The following CSMD3 variants were observed in gnomAD, a reference collection of about 807,000 sequenced individuals.
CSMD3 encodes the protein CUB and sushi domain-containing protein 3.
CSMD3 carries 177 observed loss-of-function variants against 435.2 expected under a neutral mutation model. That is an observed-to-expected ratio of 0.41 (90% CI 0.36 to 0.46). The LOEUF (loss-of-function observed/expected upper bound fraction) is 0.46. CSMD3 is among the 20% of genes least tolerant of loss of function. The pLI, the probability that CSMD3 is intolerant of heterozygous loss-of-function variation, is 0.34. For missense variants in CSMD3, 4,265 were observed against 4,504.6 expected, an observed-to-expected ratio of 0.95 and a Z score of 1.52; for synonymous variants, 1,656 against 1,520.5, an observed-to-expected ratio of 1.09 and a Z score of -2.07.
chr8:112,626,519 G>T (rs1834488001), intron 22 of CSMD3, among the ~76,000 whole-genome samples: 1 of 151,536 alleles, frequency 6.6e-6, no homozygotes, highest in Admixed American at 6.6e-5. Context: ...CACATATACA[G>T]AACAAAAAGA....
chr8:112,319,163 C>T (rs180893183), intron 46 of CSMD3, among the ~76,000 whole-genome samples: 150 of 152,126 alleles, frequency 9.9e-4, no homozygotes, highest in African/African-American at 3.5e-3. Flanking sequence ...AAGTGAACTG[C>T]CATTCCCTCT....
At chr8:112,654,628 T>C (rs1165051890) in intron 18 of CSMD3, among the ~76,000 whole-genome samples, 1 of 152,232 alleles carries the variant, frequency 6.6e-6, no homozygotes, top group Admixed American at 6.5e-5. Flanking sequence ...TTCTTATTTT[T>C]ATTCCTTATC....
intron 50 of CSMD3, among the ~76,000 whole-genome samples, chr8:112,309,573 C>T (rs914137555): frequency 6.6e-6 from 1 of 151,836 alleles, no homozygotes; most frequent in Non-Finnish European, 1.5e-5. Context: ...ATTCATTGGT[C>T]GAAGGAAAGC....
intron 4 of CSMD3, among the ~76,000 whole-genome samples, chr8:113,123,792 G>T (rs2131644822): frequency 6.6e-6 from 1 of 152,018 alleles, no homozygotes; most frequent in South Asian, 2.1e-4. Flanking sequence ...TATCTTAGTG[G>T]ATGTAGATCC....
chr8:113,194,448 T>A (rs1421311992), intron 3 of CSMD3, among the ~76,000 whole-genome samples: 1 of 151,312 alleles, frequency 6.6e-6, no homozygotes, highest in African/African-American at 2.4e-5. Flanking sequence ...CAGTAAAACC[T>A]ATTTTATAGG....
intron 22 of CSMD3, among the ~76,000 whole-genome samples, chr8:112,597,606 C>T (rs1831862164): frequency 1.7e-5 from 2 of 118,128 alleles, no homozygotes; most frequent in Admixed American, 8.5e-5. Flanking sequence ...AACATTGATG[C>T]AAAAATCCTC....
intron 53 of CSMD3, among the ~76,000 whole-genome samples, chr8:112,296,682 T>C (rs1002887642): frequency 1.3e-5 from 2 of 151,838 alleles, no homozygotes; most frequent in Non-Finnish European, 2.9e-5. Flanking sequence ...ATAAAAGCAA[T>C]GACCTAAAAC....
intron 9 of CSMD3, among the ~76,000 whole-genome samples, chr8:112,926,532 C>T (rs996560010): frequency 6.6e-6 from 1 of 152,014 alleles, no homozygotes; most frequent in African/African-American, 2.4e-5. Flanking sequence ...TAGAGTTGAC[C>T]TTCTCATGAT....
intron 10 of CSMD3, among the ~76,000 whole-genome samples, chr8:112,872,027 A>C (rs1564050058): frequency 6.6e-6 from 1 of 152,064 alleles, no homozygotes; most frequent in African/African-American, 2.4e-5. Flanking sequence ...TTGATCTATC[A>C]AAGACCTGTT....
At chr8:112,903,820 T>C (rs2082176542) in intron 10 of CSMD3, among the ~76,000 whole-genome samples, 2 of 151,370 alleles carry the variant, frequency 1.3e-5, no homozygotes, top group Non-Finnish European at 3.0e-5. Flanking sequence ...CTAGATATTT[T>C]TTCTACCTTT....
chr8:112,311,486 G>T (rs889458561), intron 49 of CSMD3, among the ~76,000 whole-genome samples: 1 of 152,108 alleles, frequency 6.6e-6, no homozygotes, highest in Admixed American at 6.6e-5. Flanking sequence ...TTTGGAAACC[G>T]CATTTCCTGT....
Position 112,287,077 on chromosome 8 carries a change from C to G in CSMD3, c.9318G>C (p.Gln3106His), listed in dbSNP as rs746527857. The stretch of plus-strand genomic sequence containing the variant: ...GCTTGAGATTACCTTTGCACTCTGG[C>G]TGCCTTCCGGTCCAACTGCCATTAG... The part of the protein sequence containing the change: ...CLANGSWTGR[Q>H]PECKAVQCGN... The change falls in exon 58 of 71, where the codon CAG becomes CAC. Residue 3106 changes from glutamine to histidine, a missense_variant. This residue lies in a region of CSMD3 where 3,255 missense variants were observed against 3,380.2 expected (regional missense o/e 0.96). Transcript: ENST00000297405. 1.2e-6 allele frequency: 2 copies of G among 1,613,558 alleles called. No homozygotes were observed. Among genetic ancestry groups the G allele is most frequent in the Admixed American group, 3.3e-5 (2 of 59,908 alleles).
intron 1 of CSMD3, among the ~76,000 whole-genome samples, chr8:113,392,530 G>C (rs555514774): frequency 6.6e-6 from 1 of 152,198 alleles, no homozygotes; most frequent in Non-Finnish European, 1.5e-5. Flanking sequence ...ATGGGGAAAT[G>C]AGCAAAGAAA....
intron 3 of CSMD3, among the ~76,000 whole-genome samples, chr8:113,243,238 C>A (rs1466078923): frequency 6.6e-6 from 1 of 151,914 alleles, no homozygotes; most frequent in South Asian, 2.1e-4. Flanking sequence ...AAAAGAATGT[C>A]TTCATTGAGA....
At chr8:113,210,460 CAAT>C (rs1168026784) in intron 3 of CSMD3, among the ~76,000 whole-genome samples, 9 of 151,878 alleles carry the variant, frequency 5.9e-5, no homozygotes, top group Non-Finnish European at 1.0e-4. Context: ...CGAAAAATAT[CAAT>C]AATAATAATA....
intron 17 of CSMD3, among the ~76,000 whole-genome samples, chr8:112,657,545 T>G (rs2075285885): frequency 6.6e-6 from 1 of 152,228 alleles, no homozygotes; most frequent in African/African-American, 2.4e-5. Context: ...GACACAGGGC[T>G]ACTTTTAACA....
intron 55 of CSMD3, among the ~76,000 whole-genome samples, chr8:112,292,156 C>T (rs188021961): frequency 2.6e-4 from 39 of 152,066 alleles, no homozygotes; most frequent in African/African-American, 9.2e-4. Flanking sequence ...GCCAGGCCCA[C>T]ATATAGTTTT....
chr8:113,394,113 C>T (rs1262054537), intron 1 of CSMD3, among the ~76,000 whole-genome samples: 1 of 150,440 alleles, frequency 6.6e-6, no homozygotes, highest in East Asian at 2.0e-4. Flanking sequence ...TATAGTCTAG[C>T]ATTTTTATAA....
At chr8:112,496,046 T>C (rs1257308546) in intron 30 of CSMD3, among the ~76,000 whole-genome samples, 1 of 152,182 alleles carries the variant, frequency 6.6e-6, no homozygotes, top group South Asian at 2.1e-4. Context: ...CTCGGCTCAC[T>C]GCAAGCTCCG....
Sources: gnomAD v4.1 joint callset for allele counts (sites outside exome capture counted in the v4.1 genomes callset) on GRCh38, gnomAD v4.1.1 for gene constraint, gnomAD v4.1.1 regional missense constraint, MANE v1.5 for transcripts, NCBI Gene and HGNC (gene_info 2026-07-23, HGNC 2026-07-21) for gene names.